Variants in MRPS31 observed in about 807,000 individuals in gnomAD.
The protein encoded by MRPS31 is small ribosomal subunit protein mS31.
Under a neutral mutation model 43.1 loss-of-function variants are expected in MRPS31, and 32 were observed. That is an observed-to-expected ratio of 0.74 (90% CI 0.56 to 1.00). The LOEUF is 1.00. Among genes scored for constraint, MRPS31 ranks in the 50% least tolerant of loss-of-function variants. MRPS31 has a pLI of 0.00. For missense variants in MRPS31, 437 were observed against 466.7 expected, an observed-to-expected ratio of 0.94 and a Z score of 0.59; for synonymous variants, 165 against 161.6, an observed-to-expected ratio of 1.02 and a Z score of -0.16.
chr13:40,766,994 ACT>A lies in MRPS31; in HGVS notation c.190_191del (p.Ser64CysfsTer4). On this transcript the variant is annotated frameshift_variant, in exon 2 of 7. Transcript: ENST00000323563. LOFTEE classifies it high-confidence loss of function. ...GCTTATCTTTCTTGCTACAGATCAC[ACT>A]GTTAGTGCCAAAATATCTTTGGATG... is the stretch of plus-strand genomic sequence containing the variant. ...NNIQRYFGTN[S>X]VICSKKDKQS... is the part of the protein sequence containing the mutation. 1.9e-6 allele frequency: 3 copies of A among 1,611,694 alleles called. No homozygotes were observed. Among genetic ancestry groups the A allele is most frequent in the South Asian group, 2.2e-5 (2 of 90,054 alleles).
intron 2 of MRPS31, among the ~76,000 whole-genome samples, chr13:40,759,425 G>A (rs1223340889): frequency 7.9e-5 from 12 of 151,894 alleles, no homozygotes; most frequent in South Asian, 6.2e-4. Flanking sequence ...GAGACAGAGC[G>A]AGACTCTGTC....
chr13:40,751,265 T>C (rs76198112), intron 5 of MRPS31, among the ~76,000 whole-genome samples: 1 of 152,234 alleles, frequency 6.6e-6, no homozygotes, highest in Non-Finnish European at 1.5e-5. Context: ...CTGACCCACC[T>C]ATGTCTTTTC....
At chr13:40,758,547 T>C (rs1277855531) in intron 3 of MRPS31, among the ~76,000 whole-genome samples, 3 of 152,126 alleles carry the variant, frequency 2.0e-5, no homozygotes, top group Non-Finnish European at 1.5e-5. Context: ...TGATGTCAGA[T>C]GAAATACAGA....
intron 5 of MRPS31, among the ~76,000 whole-genome samples, chr13:40,750,029 G>C (rs1329430122): frequency 6.6e-6 from 1 of 152,110 alleles, no homozygotes; most frequent in African/African-American, 2.4e-5. Flanking sequence ...TCACCCAAGA[G>C]ATAATACATG....
chr13:40,758,932 G>T lies in MRPS31; in HGVS notation c.599+16C>A. 1 of 1,555,304 alleles carries T rather than the reference G, an allele frequency of 6.4e-7. No individual in the cohort carries two copies. Among genetic ancestry groups the T allele is most frequent in the South Asian group, 1.2e-5 (1 of 81,732 alleles). ...GAGATATAAACATTACTGACTTAAGGGTTTGATTCACTCACCTAATTTTAG... is the reference window on the plus strand; with the variant it reads ...GAGATATAAACATTACTGACTTAAGTGTTTGATTCACTCACCTAATTTTAG... On this transcript the variant is annotated intron_variant, in intron 3 of 6. Transcript: ENST00000323563.
chr13:40,746,221 TAG>T (rs1880236476), intron 6 of MRPS31, among the ~76,000 whole-genome samples: 1 of 152,212 alleles, frequency 6.6e-6, no homozygotes, highest in Non-Finnish European at 1.5e-5. Context: ...AGCTAATTAT[TAG>T]TAGGGAAAGA....
chr13:40,756,994 C>T lies in MRPS31; in HGVS notation c.619G>A (p.Asp207Asn), dbSNP rs749721896. Residue 207 changes from aspartate to asparagine, a missense_variant, in exon 4 of 7, where the codon GAT (aspartate) becomes AAT (asparagine). Coordinates refer to ENST00000323563, the MANE Select transcript of MRPS31 (RefSeq NM_005830.4). Reference sequence around the variant, plus strand: ...GTAGCAGATCTGGCAACTTTCATATCTGATATTATGTTACTGAAACTGAAA... The same window carrying T: ...GTAGCAGATCTGGCAACTTTCATATTTGATATTATGTTACTGAAACTGAAA... ...PKISFSNIISDMKVARSATAR... is the reference protein window; with the variant it reads ...PKISFSNIISNMKVARSATAR... 6 of 1,611,328 alleles carry T rather than the reference C, an allele frequency of 3.7e-6. No individual in the cohort carries two copies. The highest frequency in any genetic ancestry group is 5.1e-6 in the Non-Finnish European group (6 of 1,178,808).
intron 5 of MRPS31, among the ~76,000 whole-genome samples, chr13:40,751,250 G>A (rs1242850507): frequency 2.0e-5 from 3 of 152,088 alleles, no homozygotes; most frequent in African/African-American, 7.2e-5. Flanking sequence ...TTTACTTGGT[G>A]GTCACTGACC....
intron 1 of MRPS31, among the ~76,000 whole-genome samples, chr13:40,767,726 C>A (rs1184520153): frequency 6.6e-6 from 1 of 152,218 alleles, no homozygotes; most frequent in African/African-American, 2.4e-5. Context: ...AAAACACTGA[C>A]ATGGTTAATA....
intron 6 of MRPS31, among the ~76,000 whole-genome samples, chr13:40,740,980 A>C (rs1880073101): frequency 6.6e-6 from 1 of 151,326 alleles, no homozygotes; most frequent in Admixed American, 6.6e-5. Context: ...ACCCCAAATA[A>C]CAAAACAACA....
At chr13:40,740,130 TG>T (rs1434116606) in intron 6 of MRPS31, among the ~76,000 whole-genome samples, 1 of 149,278 alleles carries the variant, frequency 6.7e-6, no homozygotes, top group Admixed American at 6.7e-5. Context: ...GCGAAGGACA[TG>T]AACAGACACT....
At chr13:40,745,035 C>A (rs867386297) in intron 6 of MRPS31, among the ~76,000 whole-genome samples, 1 of 152,064 alleles carries the variant, frequency 6.6e-6, no homozygotes, top group African/African-American at 2.4e-5. Flanking sequence ...GATTCTCATG[C>A]CTCAGCCTCC....
In MRPS31 at chr13:40,762,782, TTGTGTGTGTGTGTGTGTGTGTG is replaced by T. The variant is rs60906711; in HGVS notation, c.441-3698_441-3677del. Among the ~76,000 whole-genome samples, 740 of 129,990 alleles carry T rather than the reference TTGTGTGTGTGTGTGTGTGTGTG, an allele frequency of 5.7e-3. 12 individuals are homozygous for T. The highest frequency in any genetic ancestry group is 0.018 in the South Asian group (65 of 3,622). 85.3% of individuals were successfully genotyped at this position (129,990 alleles called of 152,430 possible). On this transcript the variant is annotated intron_variant, in intron 2 of 6. Coordinates refer to ENST00000323563, the MANE Select transcript of MRPS31 (RefSeq NM_005830.4). ...TTCACCACCTGACATAGTATAGACA[TTGTGTGTGTGTGTGTGTGTGTG>T]TGTGTGTGTGTGTGTGTGTGTGTGT...
Position 40,767,012 on chromosome 13 carries a change from T to C in MRPS31, c.174A>G (p.Arg58=), listed in dbSNP as rs1880870083. 2 of 1,606,036 alleles carry C rather than the reference T, an allele frequency of 1.2e-6. No homozygotes were observed. The highest frequency in any genetic ancestry group is 1.3e-5 in the African/African-American group (1 of 74,346). The change falls in exon 2 of 7, where the codon AGA becomes AGG. Residue 58 remains arginine, a synonymous_variant. Coordinates refer to ENST00000323563, the MANE Select transcript of MRPS31 (RefSeq NM_005830.4). ...AGATCACACTGTTAGTGCCAAAATA[T>C]CTTTGGATGTTATTTTTTGTCCTGG... ...LLARTKNNIQ[R]YFGTNSVICS...
rs181269597 is a variant in MRPS31 at position 40,756,627 on chromosome 13, C to T, written c.740+246G>A. 1.1e-3 allele frequency among the ~76,000 whole-genome samples: 162 copies of T among 152,310 alleles called. 2 individuals carry two copies. The highest frequency in any genetic ancestry group is 4.6e-3 in the East Asian group (24 of 5,182). ...TCTAAATGAAAGGACCCCTATTCATCGTGGGTAGATGTGAAGCATGGCCCG... is the reference window on the plus strand; with the variant it reads ...TCTAAATGAAAGGACCCCTATTCATTGTGGGTAGATGTGAAGCATGGCCCG... On this transcript the variant is annotated intron_variant, in intron 4 of 6. Coordinates refer to ENST00000323563, the MANE Select transcript of MRPS31 (RefSeq NM_005830.4).
chr13:40,742,172 A>C (rs1237302015), intron 6 of MRPS31, among the ~76,000 whole-genome samples: 1 of 152,210 alleles, frequency 6.6e-6, no homozygotes, highest in African/African-American at 2.4e-5. Context: ...TTAATAAACC[A>C]AAGAAGCACA....
At chr13:40,733,670 A>G (rs928491900) in intron 6 of MRPS31, among the ~76,000 whole-genome samples, 2 of 152,184 alleles carry the variant, frequency 1.3e-5, no homozygotes, top group African/African-American at 2.4e-5. Context: ...ATTCTCAACA[A>G]CATAAGACAG....
chr13:40,741,459 G>A (rs1329797182), intron 6 of MRPS31, among the ~76,000 whole-genome samples: 2 of 152,062 alleles, frequency 1.3e-5, no homozygotes, highest in East Asian at 3.8e-4. Flanking sequence ...AGTCACAGAG[G>A]AAGTACAAAT....
rs576533019 is a variant in MRPS31, at chr13:40,763,989, C to T, written c.440+2757G>A. On this transcript the variant is annotated intron_variant, in intron 2 of 6. Coordinates refer to ENST00000323563, the MANE Select transcript of MRPS31 (RefSeq NM_005830.4). ...CCTCAGACGATTCCAGATCCCAGCCCGGAATCTAGCTTAGCTAAAGATGAG... is the reference window on the plus strand; with the variant it reads ...CCTCAGACGATTCCAGATCCCAGCCTGGAATCTAGCTTAGCTAAAGATGAG... Among the ~76,000 whole-genome samples, 7 of 152,268 alleles carry T rather than the reference C, an allele frequency of 4.6e-5. No individual in the cohort carries two copies. In the South Asian group the frequency reaches 1.0e-3, roughly 23 times the overall value.
Sources: gnomAD v4.1 joint callset for allele counts (sites outside exome capture counted in the v4.1 genomes callset) on GRCh38, gnomAD v4.1.1 for gene constraint, MANE v1.5 for transcripts, NCBI Gene and HGNC (gene_info 2026-07-23, HGNC 2026-07-21) for gene names.